Variants in PCDHA5 observed in about 807,000 individuals in gnomAD.
PCDHA5 encodes the protein protocadherin alpha-5.
PCDHA5 carries 43 observed loss-of-function variants against 61.6 expected under a neutral mutation model. The observed-to-expected ratio is 0.70, with a 90% CI of 0.55 to 0.90. The LOEUF (loss-of-function observed/expected upper bound fraction) is 0.90, where lower values mean the gene tolerates loss of function less well. Among genes scored for constraint, PCDHA5 ranks in the 40% least tolerant of loss-of-function variants. PCDHA5 has a pLI of 0.00. For synonymous variants in PCDHA5, 627 were observed against 543.9 expected (o/e 1.15, Z -2.13); for missense variants, 1,298 against 1,222.7 (o/e 1.06, Z -0.92).
rs1203215461 is a variant in PCDHA5 at position 140,841,541 on chromosome 5, C to A, written c.2352+17414C>A. The stretch of plus-strand genomic sequence containing the variant: ...GGTGGCGTCCAAAAGACACCGGGAC[C>A]TTCTGGAGGTAAGTCTGCAGAATGG... On this transcript the variant is annotated intron_variant, in intron 1 of 3. Transcript: ENST00000529859. 1 of 1,613,604 alleles carries A rather than the reference C, an allele frequency of 6.2e-7. No individual in the cohort carries two copies. The highest frequency in any genetic ancestry group is 8.5e-7 in the Non-Finnish European group (1 of 1,180,002).
At chr5:140,835,810 C>T (rs2150245361) in intron 1 of PCDHA5, 3 of 1,612,990 alleles carry the variant, frequency 1.9e-6, no homozygotes, top group Non-Finnish European at 2.5e-6. Flanking sequence ...CACATCTTCA[C>T]TGTGTCGGCG....
At position 140,826,671 on chromosome 5, in the gene PCDHA5, C is replaced by T. The variant is rs1040298871; in HGVS notation, c.2352+2544C>T. On this transcript the variant is annotated intron_variant, in intron 1 of 3. Coordinates refer to ENST00000529859, the MANE Select transcript of PCDHA5 (RefSeq NM_018908.3). ...AACATTTTTGCAAGTAAATTGTAGA[C>T]GTAATTAAAAAAACCCAGCTAAAAC... 1.1e-4 allele frequency among the ~76,000 whole-genome samples: 17 copies of T among 151,838 alleles called. No individual in the cohort carries two copies. In the East Asian group the frequency reaches 2.1e-3, roughly 19 times the overall value.
At chr5:140,943,718 C>G (rs2093552773) in intron 1 of PCDHA5, among the ~76,000 whole-genome samples, 1 of 152,020 alleles carries the variant, frequency 6.6e-6, no homozygotes, top group South Asian at 2.1e-4. Flanking sequence ...ATTTAAAGGT[C>G]TGAGAGAATG....
intron 1 of PCDHA5, among the ~76,000 whole-genome samples, chr5:140,976,307 T>C (rs955106939): frequency 6.6e-6 from 1 of 152,100 alleles, no homozygotes; most frequent in African/African-American, 2.4e-5. Flanking sequence ...TCCCAGCACT[T>C]TGGGAGGCCG....
In PCDHA5 at chr5:140,857,513, G is replaced by T. The variant is rs781950263; in HGVS notation, c.2352+33386G>T. 3 of 1,598,208 alleles carry T rather than the reference G, an allele frequency of 1.9e-6. No individual in the cohort carries two copies. In the South Asian group the frequency reaches 3.3e-5, roughly 18 times the overall value. On this transcript the variant is annotated intron_variant, in intron 1 of 3. Transcript: ENST00000529859. ...CGCGGACGCGCAGGAGAACGCCCTG[G>T]TGTCCTACTCTCTGGTGGAGCGGCG...
chr5:140,994,550 T>A (rs1554254228), intron 3 of PCDHA5, among the ~76,000 whole-genome samples: 1 of 151,060 alleles, frequency 6.6e-6, no homozygotes, highest in Non-Finnish European at 1.5e-5. Context: ...AAAAAAAATA[T>A]AAAAATTAGC....
At chr5:140,860,216 T>C (rs1554153148) in intron 1 of PCDHA5, 2 of 150,242 alleles carry the variant, frequency 1.3e-5, no homozygotes, top group South Asian at 2.1e-4. Flanking sequence ...TATGTACTTA[T>C]GTATATATAA....
chr5:140,885,873 T>A (rs1365119411), intron 1 of PCDHA5, among the ~76,000 whole-genome samples: 3 of 152,154 alleles, frequency 2.0e-5, no homozygotes, highest in Admixed American at 6.5e-5. Flanking sequence ...TGAAAAAAAA[T>A]TTTTAGTTTC....
At chr5:140,948,227 A>G (rs1214697523) in intron 1 of PCDHA5, among the ~76,000 whole-genome samples, 17 of 151,634 alleles carry the variant, frequency 1.1e-4, no homozygotes, top group African/African-American at 4.1e-4. Flanking sequence ...GTTAGATTTA[A>G]CTTGTATTTT....
chr5:140,881,269 GAAGT>G (rs1235494766), intron 1 of PCDHA5: 1 of 648,656 alleles, frequency 1.5e-6, no homozygotes, highest in African/African-American at 2.0e-5. Context: ...CAGTGATGAT[GAAGT>G]AAGATGGAGA....
chr5:140,884,271 C>T, intron 1 of PCDHA5: 1 of 1,613,540 alleles, frequency 6.2e-7, no homozygotes, highest in Non-Finnish European at 8.5e-7. Flanking sequence ...GTGCTGTTGT[C>T]GCTGGTGGAG....
chr5:140,836,613 G>T (rs2150265622), intron 1 of PCDHA5: 1 of 1,613,634 alleles, frequency 6.2e-7, no homozygotes, highest in Non-Finnish European at 8.5e-7. Flanking sequence ...GTGCTCCAGC[G>T]CGGTGGGGAG....
chr5:140,920,847 A>G (rs1410435400), intron 1 of PCDHA5, among the ~76,000 whole-genome samples: 1 of 152,028 alleles, frequency 6.6e-6, no homozygotes, highest in Non-Finnish European at 1.5e-5. Flanking sequence ...AATCTAAAAA[A>G]AAAAAAAAAA....
intron 1 of PCDHA5, among the ~76,000 whole-genome samples, chr5:140,886,267 A>C (rs1472520900): frequency 6.6e-6 from 1 of 151,960 alleles, no homozygotes; most frequent in African/African-American, 2.4e-5. Context: ...TTTATAGATA[A>C]AATTTTTTAA....
intron 1 of PCDHA5, among the ~76,000 whole-genome samples, chr5:140,878,510 A>G (rs781881628): frequency 2.0e-5 from 3 of 152,250 alleles, no homozygotes; most frequent in Non-Finnish European, 4.4e-5. Flanking sequence ...ACGATACAGT[A>G]CAGTTGGTAA....
intron 1 of PCDHA5, chr5:140,842,580 C>T (rs1778108515): frequency 1.3e-6 from 2 of 1,517,648 alleles, no homozygotes; most frequent in African/African-American, 2.9e-5. Context: ...AGAGTGTCGG[C>T]CTATGAGTTG....
intron 3 of PCDHA5, among the ~76,000 whole-genome samples, chr5:140,997,912 A>T (rs2097790316): frequency 1.3e-5 from 2 of 152,224 alleles, no homozygotes. Context: ...GTAGAATTAC[A>T]GAATCATAGG....
At chr5:140,883,467 C>T in intron 1 of PCDHA5, 1 of 1,614,170 alleles carries the variant, frequency 6.2e-7, no homozygotes, top group Non-Finnish European at 8.5e-7. Flanking sequence ...CTGGTGTCCA[C>T]CTACAAGAAC....
chr5:140,893,384 G>T (rs2063960240), intron 1 of PCDHA5, among the ~76,000 whole-genome samples: 1 of 152,168 alleles, frequency 6.6e-6, no homozygotes, highest in South Asian at 2.1e-4. Flanking sequence ...ATGGGACAGT[G>T]GCTCATGCCT....
Sources: allele counts gnomAD v4.1 joint callset (sites outside exome capture counted in the v4.1 genomes callset), GRCh38; gene constraint gnomAD v4.1.1; transcripts MANE v1.5; gene names NCBI Gene and HGNC (gene_info 2026-07-23, HGNC 2026-07-21).